The following DGCR6L variants were observed in gnomAD, a reference collection of about 807,000 sequenced individuals.
DGCR6L encodes protein DGCR6L.
A neutral mutation model predicts 31.1 loss-of-function variants in DGCR6L; 24 were observed. The ratio of observed to expected loss-of-function variants is 0.77; its 90% confidence interval spans 0.56 to 1.08. The LOEUF (loss-of-function observed/expected upper bound fraction) is 1.08. Ranked by LOEUF, DGCR6L falls within the 50% of genes least tolerant of loss-of-function variation. The pLI, the probability that DGCR6L is intolerant of heterozygous loss-of-function variation, is 0.00. For synonymous variants in DGCR6L, 104 were observed against 126.1 expected (o/e 0.82, Z 1.17); for missense variants, 218 against 287.1 (o/e 0.76, Z 1.74).
At chr22:20,315,250 G>T (rs2051562878) in intron 4 of DGCR6L, 86 bp downstream of exon 4, 2 of 1,549,064 alleles carry the variant, frequency 1.3e-6, no homozygotes, top group Non-Finnish European at 8.7e-7. Context: ...CCCTGAGCCT[G>T]GCTCCCCAGG....
chr22:20,314,846 T>A (rs557927205), intron 4 of DGCR6L, 22 bp from the exon 5 acceptor site: 5 of 1,610,268 alleles, frequency 3.1e-6, no homozygotes, highest in African/African-American at 2.7e-5. Context: ...AGGGGCCCCA[T>A]GAAGGCCAGA....
chr22:20,315,479 G>A lies in DGCR6L; in HGVS notation c.373-3C>T, dbSNP rs879136410. 6.2e-7 allele frequency: 1 copy of A among 1,613,070 alleles called. No individual in the cohort carries two copies. Among genetic ancestry groups the A allele is most frequent in the Non-Finnish European group, 8.5e-7 (1 of 1,179,756 alleles). ...TCACGGATCCGGTGTTCCACGGCCT[G>A]CCATGGGGCCAGGGCGCGGAGGGGG... On this transcript the variant is annotated splice_region_variant and splice_polypyrimidine_tract_variant and intron_variant, in intron 3 of 4. Coordinates refer to ENST00000248879, the MANE Select transcript of DGCR6L (RefSeq NM_033257.4).
At position 20,315,369 on chromosome 22, in the gene DGCR6L, C is replaced by A. The variant is rs756149001; in HGVS notation, c.480G>T (p.Gly160=). Residue 160 remains glycine (G), a synonymous_variant, in exon 4 of 5, where the codon GGG becomes GGT. Coordinates refer to ENST00000248879, the MANE Select transcript of DGCR6L (RefSeq NM_033257.4). The part of the protein sequence containing the change: ...ADQQSTLEKA[G]VAGFYVTTNP... ...TGGTGGTCACGTAGAAGCCAGCCAC[C>A]CCCGCCTTCTCCAGTGTGCTCTGCT... 1.9e-6 allele frequency: 3 copies of A among 1,613,866 alleles called. No homozygotes were observed. The highest frequency in any genetic ancestry group is 2.5e-6 in the Non-Finnish European group (3 of 1,179,992).
At chr22:20,315,527 T>C in intron 3 of DGCR6L, 51 bp from the exon 4 acceptor site, 1 of 1,592,318 alleles carries the variant, frequency 6.3e-7, no homozygotes, top group Non-Finnish European at 8.5e-7. Flanking sequence ...AGCTCTGCCA[T>C]CAGGGGGCGG....
chr22:20,315,010 C>T, intron 4 of DGCR6L, 186 bp from the exon 5 acceptor site: 1 of 1,379,696 alleles, frequency 7.2e-7, no homozygotes, highest in African/African-American at 1.4e-5. Flanking sequence ...GAGCCTCTGC[C>T]CCCAGCAGGG....
chr22:20,315,302 C>G (rs750583309), intron 4 of DGCR6L, 34 bp downstream of exon 4: 11 of 1,597,088 alleles, frequency 6.9e-6, no homozygotes, highest in South Asian at 1.1e-5. Flanking sequence ...CCCCGGGGCA[C>G]TCGGGCTAGG....
chr22:20,317,547 C>T (rs577164742), intron 2 of DGCR6L, among the ~76,000 whole-genome samples: 1 of 152,380 alleles, frequency 6.6e-6, no homozygotes, highest in East Asian at 1.9e-4. Flanking sequence ...CAGGGCCTGG[C>T]CCAAACCTTC....
intron 2 of DGCR6L, among the ~76,000 whole-genome samples, chr22:20,317,876 C>T (rs1040167266): frequency 6.6e-6 from 1 of 152,186 alleles, no homozygotes; most frequent in Admixed American, 6.5e-5. Context: ...AAAAGACAAT[C>T]GCCCAGACAT....
At chr22:20,316,069 T>C (rs748700653) in intron 3 of DGCR6L, 50 bp downstream of exon 3, 10 of 1,539,448 alleles carry the variant, frequency 6.5e-6, no homozygotes, top group Admixed American at 5.8e-5. Context: ...CAGAGCCAGG[T>C]GGTGCCCACA....
At chr22:20,318,035 G>C (rs560898341) in intron 2 of DGCR6L, 1 of 212,564 alleles carries the variant, frequency 4.7e-6, no homozygotes, top group South Asian at 5.9e-5. Context: ...AGTTTATCAT[G>C]AACATAGACC....
chr22:20,316,086 C>G, intron 3 of DGCR6L, 33 bp downstream of exon 3: 1 of 1,570,604 alleles, frequency 6.4e-7, no homozygotes, highest in Non-Finnish European at 8.6e-7. Flanking sequence ...CACAGGAGAG[C>G]TGGGCCGGCC....
Position 20,315,060 on chromosome 22 carries a change from C to A in DGCR6L, c.514-236G>T. 2.5e-6 allele frequency: 3 copies of A among 1,216,148 alleles called. No individual in the cohort carries two copies. In the South Asian group the frequency reaches 3.9e-5, roughly 16 times the overall value. 75.3% of individuals were successfully genotyped at this position (1,216,148 alleles called of 1,614,324 possible). A position where few individuals can be genotyped will look rare whatever the true frequency, so the allele number is the denominator to read the frequency against. On this transcript the variant is annotated intron_variant, in intron 4 of 4. Transcript: ENST00000248879. Reference sequence around the variant, plus strand: ...AGCCTCTGCCCCCAGCAGGGCCACTCGGAATGGCATGCGGGAGGGGAGCAG... The same window carrying A: ...AGCCTCTGCCCCCAGCAGGGCCACTAGGAATGGCATGCGGGAGGGGAGCAG...
rs532969961 is a variant in DGCR6L, at chr22:20,314,303, T to G, written c.*372A>C. 1 of 201,840 alleles carries G rather than the reference T, an allele frequency of 5.0e-6. No individual in the cohort carries two copies. Among genetic ancestry groups the G allele is most frequent in the African/African-American group, 2.3e-5 (1 of 42,926 alleles). 12.5% of individuals were successfully genotyped at this position (201,840 alleles called of 1,614,324 possible). A position where few individuals can be genotyped will look rare whatever the true frequency, so the allele number is the denominator to read the frequency against. Reference sequence around the variant, plus strand: ...TGGGCCACACTGAGGCATCTTTATTTCTCTGGGTCACACAGAGCTTGGGCC... The same window carrying G: ...TGGGCCACACTGAGGCATCTTTATTGCTCTGGGTCACACAGAGCTTGGGCC... On this transcript the variant is annotated 3_prime_UTR_variant, in exon 5 of 5. Transcript: ENST00000248879.
At position 20,314,259 on chromosome 22, in the gene DGCR6L, C is replaced by CT. The variant is rs2051553987; in HGVS notation, c.*415dup. On this transcript the variant is annotated 3_prime_UTR_variant, in exon 5 of 5. Coordinates refer to ENST00000248879, the MANE Select transcript of DGCR6L (RefSeq NM_033257.4). ...GCCCCGGTTATGGCAGAACCTGCAGCTATCACACAAGCCACATTTGGGCCA... is the reference window on the plus strand; with the variant it reads ...GCCCCGGTTATGGCAGAACCTGCAGCTTATCACACAAGCCACATTTGGGCCA... 1 of 160,470 alleles carries CT rather than the reference C, an allele frequency of 6.2e-6. No homozygotes were observed. Among genetic ancestry groups the CT allele is most frequent in the African/African-American group, 2.4e-5 (1 of 41,478 alleles). 9.9% of individuals were successfully genotyped at this position (160,470 alleles called of 1,614,324 possible). A position where few individuals can be genotyped will look rare whatever the true frequency, so the allele number is the denominator to read the frequency against.
At chr22:20,314,858 TGACCCCCAGGCCCCTTTCATCCC>T in intron 4 of DGCR6L, 34 bp from the exon 5 acceptor site, 1 of 1,610,152 alleles carries the variant, frequency 6.2e-7, no homozygotes. Context: ...AAGGCCAGAG[TGACCCCCAGGCCCCTTTCATCCC>T]GGCCCAAGGG....
At position 20,314,649 on chromosome 22, in the gene DGCR6L, T is replaced by G. The variant is rs1252543831; in HGVS notation, c.*26A>C. 3.8e-6 allele frequency: 6 copies of G among 1,562,598 alleles called. No individual in the cohort carries two copies. The highest frequency in any genetic ancestry group is 5.2e-6 in the Non-Finnish European group (6 of 1,151,088). On this transcript the variant is annotated 3_prime_UTR_variant, in exon 5 of 5. Transcript: ENST00000248879. Reference sequence around the variant, plus strand: ...GTGGCCAAAGGTCAAGAAGATGAACTCTGCCCAGACTTCTGCTGCCTGTGG... The same window carrying G: ...GTGGCCAAAGGTCAAGAAGATGAACGCTGCCCAGACTTCTGCTGCCTGTGG...
At chr22:20,314,847 G>T in intron 4 of DGCR6L, 23 bp from the exon 5 acceptor site, 1 of 1,610,156 alleles carries the variant, frequency 6.2e-7, no homozygotes, top group Non-Finnish European at 8.5e-7. Context: ...GGGGCCCCAT[G>T]AAGGCCAGAG....
Position 20,316,170 on chromosome 22 carries a change from G to A in DGCR6L, c.321C>T (p.Cys107=). Residue 107 remains cysteine, a synonymous_variant, in exon 3 of 5, where the codon TGC becomes TGT. Coordinates refer to ENST00000248879, the MANE Select transcript of DGCR6L (RefSeq NM_033257.4). ...GAACCACAGGCAGGTTGTGGGGCCGGCAGGCCTGCTGGGCTTCCTGGTGCT... is the reference window on the plus strand; with the variant it reads ...GAACCACAGGCAGGTTGTGGGGCCGACAGGCCTGCTGGGCTTCCTGGTGCT... The part of the protein sequence containing the change: ...RQKHQEAQQA[C]RPHNLPVVQA... 10 of 1,610,114 alleles carry A rather than the reference G, an allele frequency of 6.2e-6. No homozygotes were observed. The highest frequency in any genetic ancestry group is 7.6e-6 in the Non-Finnish European group (9 of 1,179,334).
rs1261289911 is a variant in DGCR6L at position 20,315,347 on chromosome 22, T to C, written c.502A>G (p.Thr168Ala). The change falls in exon 4 of 5, where the codon ACC (threonine) becomes GCC (alanine). Residue 168 changes from threonine (T) to alanine (A), a missense_variant. Transcript: ENST00000248879. ...KAGVAGFYVT[T>A]NPQELMLQMN... ...GCCCAGGCACTGACCTGTGGGTTGG[T>C]GGTCACGTAGAAGCCAGCCACCCCC... The C allele has an allele frequency of 3.1e-6, 5 of 1,613,044 alleles. No homozygotes were observed. Among genetic ancestry groups the C allele is most frequent in the Non-Finnish European group, 4.2e-6 (5 of 1,179,752 alleles).
Sources: gnomAD v4.1 joint callset for allele counts (sites outside exome capture counted in the v4.1 genomes callset) on GRCh38, gnomAD v4.1.1 for gene constraint, MANE v1.5 for transcripts, NCBI Gene and HGNC (gene_info 2026-07-23, HGNC 2026-07-21) for gene names.